SZT2: variants seen among roughly 807,000 people sequenced by gnomAD.
The protein encoded by SZT2 is SZT2 subunit of KICSTOR complex.
In SZT2, 216 loss-of-function variants were observed where a neutral mutation model predicts 404.2. The ratio of observed to expected loss-of-function variants is 0.53; its 90% CI spans 0.48 to 0.60. The LOEUF is 0.60. Among genes scored for constraint, SZT2 ranks in the 20% least tolerant of loss-of-function variants. The pLI is 0.00. For missense variants in SZT2, 3,857 were observed against 4,459.2 expected, an observed-to-expected ratio of 0.86 and a Z score of 3.85; for synonymous variants, 1,693 against 1,749.9, an observed-to-expected ratio of 0.97 and a Z score of 0.81.
At chr1:43,407,267 G>A (rs1425597756) in intron 4 of SZT2, among the ~76,000 whole-genome samples, 6 of 152,210 alleles carry the variant, frequency 3.9e-5, no homozygotes, top group Non-Finnish European at 8.8e-5. Flanking sequence ...ACTTTGGGAA[G>A]CCAAGGCAGG....
chr1:43,422,318 T>G (rs1570628606), intron 12 of SZT2, 93 bp downstream of exon 12: 1 of 1,498,858 alleles, frequency 6.7e-7, no homozygotes, highest in African/African-American at 1.4e-5. Flanking sequence ...GATGAGCTCT[T>G]ACCAACTGTG....
In SZT2 at chr1:43,437,061, A is replaced by C. The variant is rs1487989522; in HGVS notation, c.6035-110A>C. On this transcript the variant is annotated intron_variant, in intron 42 of 71. Coordinates refer to ENST00000634258, the MANE Select transcript of SZT2 (RefSeq NM_001365999.1). This position sits in a 1 kb window ranked among gnomAD's most constrained non-coding sequence, Gnocchi z 5.3. ...TGATCATCATTTCTCTGCAATAGTCAGGGATGAGTCTGGAGGAGTGAGGAC... is the reference window on the plus strand; with the variant it reads ...TGATCATCATTTCTCTGCAATAGTCCGGGATGAGTCTGGAGGAGTGAGGAC... 1 of 1,375,368 alleles carries C rather than the reference A, an allele frequency of 7.3e-7. No homozygotes were observed. 85.2% of individuals were successfully genotyped at this position (1,375,368 alleles called of 1,614,324 possible). A position where few individuals can be genotyped will look rare whatever the true frequency, so the allele number is the denominator to read the frequency against.
intron 12 of SZT2, 62 bp downstream of exon 12, chr1:43,422,287 A>G (rs1369559987): frequency 6.6e-7 from 1 of 1,522,956 alleles, no homozygotes; most frequent in African/African-American, 1.4e-5. Context: ...GGGATAGGGA[A>G]TGATGGGAAG....
In SZT2 at chr1:43,448,982, A is replaced by T. The variant is rs1014415683; in HGVS notation, c.10086+254A>T. On this transcript the variant is annotated intron_variant, in intron 70 of 71. Transcript: ENST00000634258. This position sits in a 1 kb window ranked among gnomAD's most constrained non-coding sequence, Gnocchi z 4.2. Reference sequence around the variant, plus strand: ...TGAGATCCTGAGGGCCAGGCTCTGGAACTGACAACCCAAGGAGCTGTCAGA... The same window carrying T: ...TGAGATCCTGAGGGCCAGGCTCTGGTACTGACAACCCAAGGAGCTGTCAGA... 4 of 479,908 alleles carry T rather than the reference A, an allele frequency of 8.3e-6. No homozygotes were observed. Among genetic ancestry groups the T allele is most frequent in the African/African-American group, 1.9e-5 (1 of 51,346 alleles). The allele number at this position is 479,908 out of a possible 1,614,324, so 29.7% of individuals were successfully genotyped here. A position where few individuals can be genotyped will look rare whatever the true frequency, so the allele number is the denominator to read the frequency against.
At position 43,442,465 on chromosome 1, in the gene SZT2, G is replaced by C; in HGVS notation, c.7998G>C (p.Trp2666Cys). 1 of 1,613,622 alleles carries C rather than the reference G, an allele frequency of 6.2e-7. No individual in the cohort carries two copies. The highest frequency in any genetic ancestry group is 8.5e-7 in the Non-Finnish European group (1 of 1,179,656). The change falls in exon 58 of 72, where the codon TGG becomes TGC. Residue 2666 changes from tryptophan to cysteine, a missense_variant. Physicochemically the swap from Trp to Cys is radical, Grantham distance 215. Around this residue, in one of 7 missense-constraint regions of SZT2, gnomAD observed 573 missense variants for 592.4 expected, o/e 0.97. Transcript: ENST00000634258. This position sits in a 1 kb window ranked among gnomAD's most constrained non-coding sequence, Gnocchi z 4.5. Reference protein sequence around the residue: ...DKKLQLLTYNWAPDLGAALGR... With the variant: ...DKKLQLLTYNCAPDLGAALGR... The stretch of plus-strand genomic sequence containing the variant: ...AGCTACAGCTGCTGACCTACAACTG[G>C]GCTCCAGACCTGGGGGCAGCATTGG...
chr1:43,392,324 T>C (rs1262909433), intron 1 of SZT2, among the ~76,000 whole-genome samples: 1 of 151,990 alleles, frequency 6.6e-6, no homozygotes, highest in African/African-American at 2.4e-5. Context: ...AGTAGCCCCA[T>C]ATAGTAGTCT....
In SZT2 at chr1:43,452,803, C is replaced by T. The variant is rs1656583910; in HGVS notation, c.*2323C>T. 4.7e-6 allele frequency: 6 copies of T among 1,276,404 alleles called. 1 individual carries two copies. The highest frequency in any genetic ancestry group is 2.9e-5 in the African/African-American group (2 of 67,810). 79.1% of individuals were successfully genotyped at this position (1,276,404 alleles called of 1,614,324 possible). On this transcript the variant is annotated 3_prime_UTR_variant, in exon 72 of 72. Coordinates refer to ENST00000634258, the MANE Select transcript of SZT2 (RefSeq NM_001365999.1). Reference sequence around the variant, plus strand: ...GCAGGATTTGACATTTGAATCAGCCCCACTTTGAGCCGTCCACCTCCTCCC... The same window carrying T: ...GCAGGATTTGACATTTGAATCAGCCTCACTTTGAGCCGTCCACCTCCTCCC...
intron 12 of SZT2, 90 bp from the exon 13 acceptor site, chr1:43,422,390 C>T: frequency 6.7e-7 from 1 of 1,498,116 alleles, no homozygotes; most frequent in Non-Finnish European, 8.9e-7. Flanking sequence ...TAACCTCAGG[C>T]AAGGCCTAGA....
intron 1 of SZT2, among the ~76,000 whole-genome samples, chr1:43,399,488 T>G (rs896933104): frequency 8.1e-5 from 12 of 147,774 alleles, no homozygotes; most frequent in Admixed American, 2.0e-4. Context: ...TTTTTTTTTT[T>G]GAGACGGAGT....
At position 43,431,311 on chromosome 1, in the gene SZT2, C is replaced by T. The variant is rs144139818; in HGVS notation, c.4963C>T (p.Pro1655Ser). ...SASFPRSPGQ[P>S]SSLRSDDGLG... ...TTCATTTCCACGATCCCCAGGGCAG[C>T]CATCATCTTTAAGGTCAGATGATGG... Residue 1655 changes from proline (P) to serine (S), a missense_variant, in exon 34 of 72, where the codon CCA (proline) becomes TCA (serine). Transcript: ENST00000634258. 78 of 1,613,376 alleles carry T rather than the reference C, an allele frequency of 4.8e-5. No homozygotes were observed. In the African/African-American group the frequency reaches 9.2e-4, roughly 19 times the overall value.
Position 43,423,223 on chromosome 1 carries a change from C to T in SZT2, c.2162C>T (p.Ser721Phe), listed in dbSNP as rs781609909. ...LGGAGGGSSP[S>F]KSPPVLGPQQ... ...GGTGCTGGTGGGGGCAGCTCTCCCT[C>T]CAAGTCACCCCCCGTGCTGGGGCCA... Residue 721 changes from serine to phenylalanine, a missense_variant, in exon 15 of 72, where the codon TCC (serine) becomes TTC (phenylalanine). Ser to Phe is a radical substitution (Grantham distance 155). Coordinates refer to ENST00000634258, the MANE Select transcript of SZT2 (RefSeq NM_001365999.1). The T allele has an allele frequency of 6.3e-7, 1 of 1,595,370 alleles. No homozygotes were observed. Among genetic ancestry groups the T allele is most frequent in the Non-Finnish European group, 8.5e-7 (1 of 1,178,142 alleles).
At position 43,451,850 on chromosome 1, in the gene SZT2, G is replaced by GT. The variant is rs771991486; in HGVS notation, c.*1371dup. ...TACCTTCTGTAAGATGGCTGCCGCT[G>GT]TAAGAGAAGCCAGGGAGGGGACCGT... On this transcript the variant is annotated 3_prime_UTR_variant, in exon 72 of 72. Coordinates refer to ENST00000634258, the MANE Select transcript of SZT2 (RefSeq NM_001365999.1). 7.6e-5 allele frequency: 122 copies of GT among 1,614,086 alleles called. No individual in the cohort carries two copies. In the Middle Eastern group the frequency reaches 8.2e-4, roughly 11 times the overall value.
rs991431228 is a variant in SZT2 at position 43,451,764 on chromosome 1, C to T, written c.*1284C>T. On this transcript the variant is annotated 3_prime_UTR_variant, in exon 72 of 72. Coordinates refer to ENST00000634258, the MANE Select transcript of SZT2 (RefSeq NM_001365999.1). ...TCCGAGACCCCGCAGGCCCCGCCCTCCTTCCGATCTGCGAAGTACCCCCTT... is the reference window on the plus strand; with the variant it reads ...TCCGAGACCCCGCAGGCCCCGCCCTTCTTCCGATCTGCGAAGTACCCCCTT... The T allele has an allele frequency of 3.7e-6, 6 of 1,613,826 alleles. No individual in the cohort carries two copies. The African/African-American group carries it at 5.3e-5, about 14-fold the overall frequency.
Position 43,451,728 on chromosome 1 carries a change from G to A in SZT2, c.*1248G>A. On this transcript the variant is annotated 3_prime_UTR_variant, in exon 72 of 72. Coordinates refer to ENST00000634258, the MANE Select transcript of SZT2 (RefSeq NM_001365999.1). Reference sequence around the variant, plus strand: ...CCAGTGGAATATGTCCTAGGGAAGAGGATACTACATTCCGAGACCCCGCAG... The same window carrying A: ...CCAGTGGAATATGTCCTAGGGAAGAAGATACTACATTCCGAGACCCCGCAG... 2.5e-6 allele frequency: 4 copies of A among 1,614,024 alleles called. No homozygotes were observed. Among genetic ancestry groups the A allele is most frequent in the Non-Finnish European group, 3.4e-6 (4 of 1,179,892 alleles).
intron 42 of SZT2, chr1:43,436,706 T>G: frequency 6.0e-6 from 1 of 167,010 alleles, no homozygotes. Flanking sequence ...ACCCTTTGGG[T>G]TTATTGGCGT....
chr1:43,441,763 G>A lies in SZT2; in HGVS notation c.7687G>A (p.Ala2563Thr), dbSNP rs201491437. 4.4e-5 allele frequency: 71 copies of A among 1,614,048 alleles called. No homozygotes were observed. The highest frequency in any genetic ancestry group is 1.6e-4 in the Middle Eastern group (1 of 6,084). ...LLPSILSEFT[A>T]LVTSMAGDTS... Reference sequence around the variant, plus strand: ...TCCATCCATCCTGTCTGAGTTCACCGCACTGGTCACCTCAATGGCTGGAGA... The same window carrying A: ...TCCATCCATCCTGTCTGAGTTCACCACACTGGTCACCTCAATGGCTGGAGA... Residue 2563 changes from alanine (A) to threonine (T), a missense_variant, in exon 55 of 72, where the codon GCA becomes ACA. By Grantham distance (58) the Ala-to-Thr change is moderately conservative. Coordinates refer to ENST00000634258, the MANE Select transcript of SZT2 (RefSeq NM_001365999.1). The surrounding 1 kb of genome is among the most constrained non-coding windows in gnomAD (Gnocchi z 4.8).
chr1:43,442,605 T>C lies in SZT2; in HGVS notation c.8138T>C (p.Val2713Ala), dbSNP rs762724582. The C allele has an allele frequency of 6.2e-7, 1 of 1,604,018 alleles. No homozygotes were observed. The highest frequency in any genetic ancestry group is 8.5e-7 in the Non-Finnish European group (1 of 1,173,362). The change falls in exon 58 of 72, where the codon GTG becomes GCG. Residue 2713 changes from valine (V) to alanine (A), a missense_variant. Coordinates refer to ENST00000634258, the MANE Select transcript of SZT2 (RefSeq NM_001365999.1). This position sits in a 1 kb window ranked among gnomAD's most constrained non-coding sequence, Gnocchi z 4.5. ...FHHYGQLDFP[V>A]RDEKEPNPFL... ...CATTATGGCCAGTTGGACTTCCCCG[T>C]GCGAGATGAAAAGGTGCCTGCTGCT...
chr1:43,411,769 C>CTTTTTTTT lies in SZT2; in HGVS notation c.499-3293_499-3286dup, dbSNP rs386366817. On this transcript the variant is annotated intron_variant, in intron 4 of 71. Coordinates refer to ENST00000634258, the MANE Select transcript of SZT2 (RefSeq NM_001365999.1). ...TAGAGCAGAAAAGTTCATCCACTAT[C>CTTTTTTTT]TTTTTTTTTTTTTTTTTTTTTTTTT... Among the ~76,000 whole-genome samples, 8 of 74,056 alleles carry CTTTTTTTT rather than the reference C, an allele frequency of 1.1e-4. 1 individual carries two copies. The highest frequency in any genetic ancestry group is 2.5e-4 in the African/African-American group (4 of 15,914). The allele number at this position is 74,056 out of a possible 152,430, so 48.6% of individuals were successfully genotyped here. A position where few individuals can be genotyped will look rare whatever the true frequency, so the allele number is the denominator to read the frequency against.
chr1:43,395,394 G>A (rs1010932813), intron 1 of SZT2, among the ~76,000 whole-genome samples: 1 of 152,100 alleles, frequency 6.6e-6, no homozygotes, highest in African/African-American at 2.4e-5. Context: ...ACCTCCCTGG[G>A]CTCAGGCGAC....
Sources: gnomAD v4.1 joint callset for allele counts (sites outside exome capture counted in the v4.1 genomes callset) on GRCh38, gnomAD v4.1.1 for gene constraint, gnomAD v4.1.1 regional missense constraint, Gnocchi (gnomAD v3.1) non-coding constraint, MANE v1.5 for transcripts, NCBI Gene and HGNC (gene_info 2026-07-23, HGNC 2026-07-21) for gene names.